The following PHF2 variants were observed in gnomAD, a reference collection of about 807,000 sequenced individuals.
PHF2 encodes PHD finger protein 2.
PHF2 carries 27 observed loss-of-function variants against 120.5 expected under a neutral mutation model. That is an observed-to-expected ratio of 0.22 (90% CI 0.17 to 0.31). PHF2 has a LOEUF of 0.31. Among genes scored for constraint, PHF2 ranks in the 10% least tolerant of loss-of-function variants. The probability of loss-of-function intolerance (pLI) is 1.00; values close to 1 mark genes in which losing one functional copy is unlikely to be tolerated. For missense variants in PHF2, 1,024 were observed against 1,434.8 expected (o/e 0.71, Z 4.63); for synonymous variants, 568 against 592.5 (o/e 0.96, Z 0.60).
chr9:93,648,270 C>T (rs1204893265), intron 4 of PHF2, among the ~76,000 whole-genome samples: 1 of 152,228 alleles, frequency 6.6e-6, no homozygotes, highest in Non-Finnish European at 1.5e-5. Flanking sequence ...GCAGGTCTCT[C>T]TGTCCCGGGT....
intron 10 of PHF2, 68 bp from the exon 11 acceptor site, chr9:93,659,443 A>C: frequency 7.6e-7 from 1 of 1,309,346 alleles, no homozygotes; most frequent in African/African-American, 1.4e-5. Context: ...ACAGCCTGCA[A>C]GAATGCAGGG....
chr9:93,663,416 G>GTC lies in PHF2; in HGVS notation c.1819-100_1819-99dup. The GTC allele has an allele frequency of 7.7e-6, 6 of 776,082 alleles. No individual in the cohort carries two copies. The South Asian group carries it at 1.0e-4, about 13-fold the overall frequency. The allele number at this position is 776,082 out of a possible 1,614,324, so 48.1% of individuals were successfully genotyped here. ...CCAGAGCTATGGGTGACTTTCCTTA[G>GTC]TCGTGTTCCCAGTAGCTGCCTCTTC... On this transcript the variant is annotated intron_variant, in intron 13 of 21. Coordinates refer to ENST00000359246, the MANE Select transcript of PHF2 (RefSeq NM_005392.4).
intron 3 of PHF2, among the ~76,000 whole-genome samples, chr9:93,642,280 C>A (rs1047554747): frequency 3.3e-5 from 5 of 152,166 alleles, no homozygotes; most frequent in Non-Finnish European, 7.3e-5. Context: ...ATTCAGCATT[C>A]CAAGTTTAGT....
At chr9:93,601,262 G>T (rs555591226) in intron 1 of PHF2, among the ~76,000 whole-genome samples, 6 of 152,330 alleles carry the variant, frequency 3.9e-5, no homozygotes, top group Admixed American at 3.3e-4. Flanking sequence ...TACAGCCAGG[G>T]ACTCCAGCCC....
Position 93,677,913 on chromosome 9 carries a change from C to A in PHF2, c.*237C>A, listed in dbSNP as rs770996010. On this transcript the variant is annotated 3_prime_UTR_variant, in exon 22 of 22. Transcript: ENST00000359246. This position sits in a 1 kb window ranked among gnomAD's most constrained non-coding sequence, Gnocchi z 4.4. ...CTAAGAGTGATCTGTCCCAGAAAAG[C>A]GGCCCTGCAAGTTTGAGGACCGCTT... The A allele has an allele frequency of 6.9e-5, 35 of 509,938 alleles. No individual in the cohort carries two copies. The highest frequency in any genetic ancestry group is 1.1e-4 in the Non-Finnish European group (32 of 287,808). The allele number at this position is 509,938 out of a possible 1,614,324, so 31.6% of individuals were successfully genotyped here.
chr9:93,675,598 T>G (rs1587724903), intron 19 of PHF2, 82 bp from the exon 20 acceptor site: 41 of 1,050,814 alleles, frequency 3.9e-5, no homozygotes, highest in East Asian at 2.4e-5. Context: ...CAGGCTGGGG[T>G]GGGGGCAGGG....
chr9:93,624,432 ATGG>A (rs746343164), intron 1 of PHF2, among the ~76,000 whole-genome samples: 9 of 151,280 alleles, frequency 5.9e-5, no homozygotes, highest in East Asian at 1.9e-4. Flanking sequence ...AATGTTGGTA[ATGG>A]TGGTGGTGGT....
At chr9:93,673,931 A>G (rs969628318) in intron 18 of PHF2, 69 bp downstream of exon 18, 2 of 1,465,014 alleles carry the variant, frequency 1.4e-6, no homozygotes, top group Non-Finnish European at 1.8e-6. Flanking sequence ...GAATGGAGAC[A>G]GTAGCATAAA....
chr9:93,667,180 G>A lies in PHF2; in HGVS notation c.2288G>A (p.Gly763Asp). Residue 763 changes from glycine to aspartate, a missense_variant, in exon 17 of 22, where the codon GGC becomes GAC. Physicochemically the swap from Gly to Asp is moderately conservative, Grantham distance 94. This residue lies in a region of PHF2 where 677 missense variants were observed against 857.4 expected (regional missense o/e 0.79). Transcript: ENST00000359246. The stretch of plus-strand genomic sequence containing the variant: ...AAGGAGAGTGGGAGCTCGGCAGCTG[G>A]CATCTTGGACCTGCTGCAGGCCAGT... ...VKKESGSSAA[G>D]ILDLLQASEE... is the part of the protein sequence containing the mutation. The A allele has an allele frequency of 6.2e-7, 1 of 1,612,904 alleles. No individual in the cohort carries two copies. Among genetic ancestry groups the A allele is most frequent in the Non-Finnish European group, 8.5e-7 (1 of 1,179,902 alleles).
chr9:93,604,483 G>A (rs1013100529), intron 1 of PHF2, among the ~76,000 whole-genome samples: 1 of 113,680 alleles, frequency 8.8e-6, no homozygotes, highest in African/African-American at 3.4e-5. Flanking sequence ...TTTTTTTTTT[G>A]AGACAGAGTC....
At chr9:93,658,369 T>C in intron 10 of PHF2, 133 bp downstream of exon 10, 1 of 738,930 alleles carries the variant, frequency 1.4e-6, no homozygotes, top group Non-Finnish European at 2.3e-6. Flanking sequence ...ACGGTGGTGC[T>C]CCCCTGCCTG....
chr9:93,637,640 A>G (rs1826115079), intron 3 of PHF2, among the ~76,000 whole-genome samples: 1 of 152,216 alleles, frequency 6.6e-6, no homozygotes, highest in South Asian at 2.1e-4. Context: ...TTTGAGGCTG[A>G]ATGATATTTC....
At chr9:93,638,193 C>T (rs1261245278) in intron 3 of PHF2, among the ~76,000 whole-genome samples, 1 of 151,582 alleles carries the variant, frequency 6.6e-6, no homozygotes, top group Non-Finnish European at 1.5e-5. Flanking sequence ...AGCCCCATTA[C>T]CTGATATATG....
chr9:93,614,691 A>G (rs1462483600), intron 1 of PHF2, among the ~76,000 whole-genome samples: 1 of 152,222 alleles, frequency 6.6e-6, no homozygotes, highest in African/African-American at 2.4e-5. Context: ...TTTTCTGTCC[A>G]TGGAGTGTTG....
intron 17 of PHF2, chr9:93,671,301 T>G (rs1826784849): frequency 1.4e-6 from 1 of 713,766 alleles, no homozygotes. Context: ...CAGATGTGGG[T>G]GTGGGAGTAG....
chr9:93,616,799 G>A (rs1392472669), intron 1 of PHF2, among the ~76,000 whole-genome samples: 4 of 152,024 alleles, frequency 2.6e-5, no homozygotes, highest in Admixed American at 2.6e-4. Context: ...TGGGATTATA[G>A]GCGTGTGCCA....
At chr9:93,591,991 A>T (rs565519292) in intron 1 of PHF2, among the ~76,000 whole-genome samples, 1 of 152,318 alleles carries the variant, frequency 6.6e-6, no homozygotes, top group East Asian at 1.9e-4. Flanking sequence ...CCAGCTGCTC[A>T]GCGCCCACTC....
At position 93,679,073 on chromosome 9, in the gene PHF2, A is replaced by G; in HGVS notation, c.*1397A>G. The G allele has an allele frequency of 8.3e-6, 3 of 361,084 alleles. No individual in the cohort carries two copies. The highest frequency in any genetic ancestry group is 6.3e-5 in the South Asian group (3 of 47,692). 22.4% of individuals were successfully genotyped at this position (361,084 alleles called of 1,614,324 possible). On this transcript the variant is annotated 3_prime_UTR_variant, in exon 22 of 22. Transcript: ENST00000359246. The stretch of plus-strand genomic sequence containing the variant: ...GGGGATTGGGGGATACAGTTATTTT[A>G]CTAGCACCTTGTGAAGTGTTTCCGT...
intron 1 of PHF2, among the ~76,000 whole-genome samples, chr9:93,600,381 G>C (rs1300941110): frequency 1.3e-5 from 2 of 152,198 alleles, no homozygotes; most frequent in African/African-American, 4.8e-5. Flanking sequence ...CTGCGTCTTT[G>C]TGATCTCCCA....
Sources: allele counts gnomAD v4.1 joint callset (sites outside exome capture counted in the v4.1 genomes callset), GRCh38; gene constraint gnomAD v4.1.1; regional missense constraint gnomAD v4.1.1; non-coding constraint Gnocchi (gnomAD v3.1); transcripts MANE v1.5; gene names NCBI Gene and HGNC (gene_info 2026-07-23, HGNC 2026-07-21).